The following CFHR4 variants were observed in gnomAD, a reference collection of about 807,000 sequenced individuals.
The protein encoded by CFHR4 is complement factor H related 4, also known as complement factor H-related protein 4.
A neutral mutation model predicts 69.3 loss-of-function variants in CFHR4; 64 were observed. The ratio of observed to expected loss-of-function variants is 0.92; its 90% CI spans 0.76 to 1.14. The LOEUF (loss-of-function observed/expected upper bound fraction) is 1.14. Among genes scored for constraint, CFHR4 ranks in the 50% most tolerant of loss-of-function variants. The probability of loss-of-function intolerance (pLI) is 0.00; values close to 1 mark genes in which losing one functional copy is unlikely to be tolerated. For missense variants in CFHR4, 636 were observed against 684.9 expected (o/e 0.93, Z 0.80); for synonymous variants, 244 against 237.0 (o/e 1.03, Z -0.27).
chr1:196,902,344 G>A, intron 1 of CFHR4, 74 bp from the exon 2 acceptor site: 1 of 1,050,256 alleles, frequency 9.5e-7, no homozygotes, highest in Non-Finnish European at 1.4e-6. Flanking sequence ...ATAATTTATT[G>A]ATCAAAAATG....
intron 6 of CFHR4, among the ~76,000 whole-genome samples, chr1:196,912,043 A>T (rs1658297784): frequency 1.3e-5 from 2 of 151,386 alleles, no homozygotes; most frequent in Admixed American, 1.3e-4. Flanking sequence ...TACATTACTA[A>T]TATCTTAAAA....
rs7533270 is a variant in CFHR4 at position 196,913,373 on chromosome 1, G to T, written c.1180+451G>T. The stretch of plus-strand genomic sequence containing the variant: ...CTGCTAGCATCAGGAGAATCAGACC[G>T]TAATAATTTGTATCAATGATGCTAC... On this transcript the variant is annotated intron_variant, in intron 7 of 9. Coordinates refer to ENST00000608469, the MANE Select transcript of CFHR4 (RefSeq NM_001201550.3). Among the ~76,000 whole-genome samples, 512 of 151,148 alleles carry T rather than the reference G, an allele frequency of 3.4e-3. 20 individuals carry two copies. The highest frequency in any genetic ancestry group is 0.011 in the African/African-American group (471 of 40,962).
intron 1 of CFHR4, among the ~76,000 whole-genome samples, chr1:196,900,952 T>C (rs1657568910): frequency 6.6e-6 from 1 of 151,442 alleles, no homozygotes; most frequent in Non-Finnish European, 1.5e-5. Context: ...ATTTACAACA[T>C]GCAAGGATTC....
chr1:196,911,760 C>T (rs1319106656), intron 6 of CFHR4, among the ~76,000 whole-genome samples: 1 of 151,494 alleles, frequency 6.6e-6, no homozygotes, highest in Non-Finnish European at 1.5e-5. Context: ...GCCATAGGCA[C>T]CAACTCTATC....
At chr1:196,902,093 G>T (rs1411288927) in intron 1 of CFHR4, among the ~76,000 whole-genome samples, 1 of 151,486 alleles carries the variant, frequency 6.6e-6, no homozygotes, top group African/African-American at 2.4e-5. Flanking sequence ...TGATGGGATG[G>T]AACAGAAAGA....
intron 4 of CFHR4, 86 bp from the exon 5 acceptor site, chr1:196,907,230 A>G (rs1657960744): frequency 4.8e-6 from 6 of 1,262,274 alleles, no homozygotes; most frequent in Admixed American, 2.2e-5. Flanking sequence ...CAAATAAGAT[A>G]CATTTAAGAG....
chr1:196,909,106 A>G (rs994541297), intron 5 of CFHR4, among the ~76,000 whole-genome samples: 2 of 151,592 alleles, frequency 1.3e-5, no homozygotes, highest in African/African-American at 4.9e-5. Flanking sequence ...GGAAAAATTT[A>G]GTATTAGGTT....
rs1657689325 is a variant in CFHR4 at position 196,902,634 on chromosome 1, A to G, written c.256+19A>G. 1 of 1,557,574 alleles carries G rather than the reference A, an allele frequency of 6.4e-7. No homozygotes were observed. The highest frequency in any genetic ancestry group is 2.2e-5 in the East Asian group (1 of 44,516). On this transcript the variant is annotated intron_variant, in intron 2 of 9. Coordinates refer to ENST00000608469, the MANE Select transcript of CFHR4 (RefSeq NM_001201550.3). ...TGCCTCAGTAAGTAAACCTCTTTAC[A>G]AGAATATGTGCATAAAACTTGAAAA... is the stretch of plus-strand genomic sequence containing the variant.
At chr1:196,911,954 T>G (rs1658292238) in intron 6 of CFHR4, among the ~76,000 whole-genome samples, 1 of 151,396 alleles carries the variant, frequency 6.6e-6, no homozygotes, top group Non-Finnish European at 1.5e-5. Context: ...ATGCATCATC[T>G]TTAACATGAT....
intron 8 of CFHR4, 51 bp downstream of exon 8, chr1:196,914,722 C>T (rs1203740883): frequency 2.0e-6 from 3 of 1,498,704 alleles, no homozygotes; most frequent in African/African-American, 2.9e-5. Context: ...AAATAATAGA[C>T]ACCTACATAT....
At chr1:196,899,364 C>T (rs1023303903) in intron 1 of CFHR4, among the ~76,000 whole-genome samples, 9 of 151,508 alleles carry the variant, frequency 5.9e-5, no homozygotes, top group South Asian at 4.1e-4. Flanking sequence ...GCGCAGTATA[C>T]GTCGCTGCAA....
intron 1 of CFHR4, among the ~76,000 whole-genome samples, chr1:196,901,469 G>C (rs911019030): frequency 6.6e-6 from 1 of 151,306 alleles, no homozygotes; most frequent in Non-Finnish European, 1.5e-5. Context: ...GTGGACTAAA[G>C]AATAATGGAG....
chr1:196,916,837 A>G (rs539849976), intron 9 of CFHR4, among the ~76,000 whole-genome samples: 2 of 151,522 alleles, frequency 1.3e-5, no homozygotes, highest in Non-Finnish European at 2.9e-5. Flanking sequence ...TGATACAAGC[A>G]AGACTTTCAG....
At chr1:196,894,087 A>C (rs907448781) in intron 1 of CFHR4, among the ~76,000 whole-genome samples, 1 of 151,530 alleles carries the variant, frequency 6.6e-6, no homozygotes, top group African/African-American at 2.4e-5. Flanking sequence ...GCACCTGCTT[A>C]ACTTCGCTAA....
intron 1 of CFHR4, among the ~76,000 whole-genome samples, chr1:196,895,212 G>A (rs1209429566): frequency 6.6e-6 from 1 of 151,476 alleles, no homozygotes; most frequent in Non-Finnish European, 1.5e-5. Flanking sequence ...CTCCCTGGGT[G>A]ACAGAGCAAG....
intron 1 of CFHR4, among the ~76,000 whole-genome samples, chr1:196,897,863 C>A (rs113051964): frequency 1.3e-5 from 2 of 151,222 alleles, no homozygotes; most frequent in Admixed American, 6.6e-5. Context: ...CGGGGTGGGG[C>A]CTTTGACAGG....
At chr1:196,889,457 G>T (rs187122565) in intron 1 of CFHR4, among the ~76,000 whole-genome samples, 2 of 151,548 alleles carry the variant, frequency 1.3e-5, no homozygotes, top group East Asian at 1.9e-4. Context: ...ATTAGAATAA[G>T]CTCTACTTTC....
At chr1:196,893,248 G>T (rs1244831299) in intron 1 of CFHR4, among the ~76,000 whole-genome samples, 1 of 151,722 alleles carries the variant, frequency 6.6e-6, no homozygotes, top group Non-Finnish European at 1.5e-5. Context: ...TATAATGACT[G>T]TCTTGAGATA....
rs147045418 is a variant in CFHR4 at position 196,897,162 on chromosome 1, G to A, written c.59-5256G>A. On this transcript the variant is annotated intron_variant, in intron 1 of 9. Transcript: ENST00000608469. ...TGTCTTTCAATCAAGATGAAATGGG[G>A]GAGTTCCCTGATTCCCCTCGCAGGA... is the stretch of plus-strand genomic sequence containing the variant. 8.6e-3 allele frequency among the ~76,000 whole-genome samples: 1,303 copies of A among 151,672 alleles called. 60 individuals are homozygous for A. Among genetic ancestry groups the A allele is most frequent in the African/African-American group, 0.03 (1,253 of 41,188 alleles).
Sources: allele counts gnomAD v4.1 joint callset (sites outside exome capture counted in the v4.1 genomes callset), GRCh38; gene constraint gnomAD v4.1.1; transcripts MANE v1.5; gene names NCBI Gene and HGNC (gene_info 2026-07-23, HGNC 2026-07-21).